Variants in ARHGEF4 observed in about 807,000 individuals in gnomAD.
ARHGEF4 encodes the protein Rho guanine nucleotide exchange factor 4.
A neutral mutation model predicts 162.0 loss-of-function variants in ARHGEF4; 119 were observed. The observed-to-expected ratio is 0.73, with a 90% CI of 0.63 to 0.86. The LOEUF (loss-of-function observed/expected upper bound fraction) is 0.86, where lower values mean the gene tolerates loss of function less well. Ranked by LOEUF, ARHGEF4 falls within the 40% of genes least tolerant of loss-of-function variation. The probability of loss-of-function intolerance (pLI) is 0.00; values close to 1 mark genes in which losing one functional copy is unlikely to be tolerated. For missense variants in ARHGEF4, 2,488 were observed against 2,456.0 expected, an observed-to-expected ratio of 1.01 and a Z score of -0.28; for synonymous variants, 1,014 against 979.9, an observed-to-expected ratio of 1.03 and a Z score of -0.65.
At chr2:130,868,817 G>A (rs533289689) in intron 1 of ARHGEF4, among the ~76,000 whole-genome samples, 1 of 152,230 alleles carries the variant, frequency 6.6e-6, no homozygotes, top group Non-Finnish European at 1.5e-5. Context: ...CAAGGTGCCT[G>A]TGGGCTGGTT....
At chr2:131,039,300 C>G (rs1690569989) in intron 6 of ARHGEF4, 1 of 1,258,598 alleles carries the variant, frequency 7.9e-7, no homozygotes, top group Non-Finnish European at 1.0e-6. Context: ...GCGATACCCC[C>G]GCAACTCCAG....
At chr2:130,838,346 A>C (rs899625371) in intron 1 of ARHGEF4, among the ~76,000 whole-genome samples, 4 of 152,132 alleles carry the variant, frequency 2.6e-5, no homozygotes, top group African/African-American at 9.7e-5. Flanking sequence ...TCATGCCTGT[A>C]ATCTCAGCAC....
chr2:130,870,848 G>A (rs1005157375), intron 1 of ARHGEF4, among the ~76,000 whole-genome samples: 1 of 152,112 alleles, frequency 6.6e-6, no homozygotes, highest in African/African-American at 2.4e-5. Flanking sequence ...GGAGCTCGAA[G>A]CTGGCTGACT....
intron 4 of ARHGEF4, among the ~76,000 whole-genome samples, chr2:130,949,173 G>C (rs946808120): frequency 1.3e-5 from 2 of 152,070 alleles, no homozygotes; most frequent in Non-Finnish European, 2.9e-5. Flanking sequence ...TTGTGATGCA[G>C]TGATCATGTT....
chr2:131,041,557 C>A, intron 9 of ARHGEF4, 95 bp downstream of exon 9: 2 of 1,327,962 alleles, frequency 1.5e-6, no homozygotes, highest in Non-Finnish European at 2.1e-6. Flanking sequence ...ACTGCTGCAG[C>A]CCTGGGGCAA....
At chr2:130,991,298 C>A (rs1187621214) in intron 4 of ARHGEF4, among the ~76,000 whole-genome samples, 1 of 152,272 alleles carries the variant, frequency 6.6e-6, no homozygotes, top group Non-Finnish European at 1.5e-5. Context: ...GTCCTCACAG[C>A]CCTCGCTCGC....
At chr2:130,904,821 G>C (rs2105026029) in intron 1 of ARHGEF4, among the ~76,000 whole-genome samples, 1 of 151,802 alleles carries the variant, frequency 6.6e-6, no homozygotes, top group South Asian at 2.1e-4. Flanking sequence ...GCTCATGCCT[G>C]TAATCCCAGC....
intron 1 of ARHGEF4, among the ~76,000 whole-genome samples, chr2:130,908,640 C>T (rs545592638): frequency 6.6e-6 from 1 of 152,118 alleles, no homozygotes; most frequent in East Asian, 1.9e-4. Context: ...TGCGCCATTG[C>T]ACTCCAGCCC....
At chr2:130,863,923 G>A (rs1397096891) in intron 1 of ARHGEF4, among the ~76,000 whole-genome samples, 1 of 126,234 alleles carries the variant, frequency 7.9e-6, no homozygotes, top group Admixed American at 8.5e-5. Context: ...AGTGGCTCAC[G>A]CCTGTAATCC....
At position 131,031,823 on chromosome 2, in the gene ARHGEF4, C is replaced by G. The variant is rs1412099005; in HGVS notation, c.4125+3739C>G. Among the ~76,000 whole-genome samples, 4 of 152,198 alleles carry G rather than the reference C, an allele frequency of 2.6e-5. No individual in the cohort carries two copies. The East Asian group carries it at 7.7e-4, about 29-fold the overall frequency. ...CCTCCCCCTTGACTCTCTTGGGCTG[C>G]ACTGTGCCCCTGCAGTCAGGCCTGA... On this transcript the variant is annotated intron_variant, in intron 5 of 13. Coordinates refer to ENST00000409359, the MANE Select transcript of ARHGEF4 (RefSeq NM_001367493.1).
intron 2 of ARHGEF4, among the ~76,000 whole-genome samples, chr2:130,926,034 T>TTC (rs1302828572): frequency 2.9e-5 from 3 of 104,056 alleles, no homozygotes; most frequent in Admixed American, 8.8e-5. Flanking sequence ...CTTTCTTTCT[T>TTC]TCTTTCTTTC....
chr2:130,864,110 C>T (rs942661060), intron 1 of ARHGEF4, among the ~76,000 whole-genome samples: 7 of 151,654 alleles, frequency 4.6e-5, no homozygotes, highest in South Asian at 2.1e-4. Context: ...GGTGTGAACC[C>T]GGGAGGCGGA....
chr2:130,988,492 A>C (rs1686669955), intron 4 of ARHGEF4, among the ~76,000 whole-genome samples: 1 of 152,164 alleles, frequency 6.6e-6, no homozygotes. Context: ...CTGATTATAG[A>C]AATTTTACCA....
At chr2:130,941,120 A>G (rs1683270530) in intron 3 of ARHGEF4, among the ~76,000 whole-genome samples, 1 of 152,164 alleles carries the variant, frequency 6.6e-6, no homozygotes, top group Non-Finnish European at 1.5e-5. Flanking sequence ...GACCTGAGAA[A>G]ACGTTTTGTC....
intron 4 of ARHGEF4, among the ~76,000 whole-genome samples, chr2:131,002,555 A>C (rs567311190): frequency 8.7e-4 from 133 of 152,040 alleles, no homozygotes; most frequent in Admixed American, 4.0e-3. Context: ...CTAAAAATAC[A>C]AAAAATTAGC....
At chr2:130,992,279 A>G (rs1198068698) in intron 4 of ARHGEF4, among the ~76,000 whole-genome samples, 4 of 152,160 alleles carry the variant, frequency 2.6e-5, no homozygotes, top group Non-Finnish European at 5.9e-5. Context: ...TAGCACTGGC[A>G]ACCTGCTTGG....
intron 2 of ARHGEF4, among the ~76,000 whole-genome samples, chr2:130,924,220 A>G (rs989162076): frequency 1.3e-5 from 2 of 150,522 alleles, no homozygotes; most frequent in Admixed American, 1.3e-4. Context: ...TCACCTGTGG[A>G]TTGCTGTAGA....
At chr2:130,845,113 G>A (rs929836494) in intron 1 of ARHGEF4, among the ~76,000 whole-genome samples, 22 of 147,176 alleles carry the variant, frequency 1.5e-4, no homozygotes, top group Non-Finnish European at 2.1e-4. Context: ...TGAGCCACCC[G>A]GCCCGCTATA....
intron 1 of ARHGEF4, among the ~76,000 whole-genome samples, chr2:130,868,918 A>G (rs781247983): frequency 5.9e-5 from 9 of 152,170 alleles, no homozygotes; most frequent in Admixed American, 3.3e-4. Context: ...CCCGTCCTTA[A>G]AGGCATCACT....
Sources: allele counts gnomAD v4.1 joint callset (sites outside exome capture counted in the v4.1 genomes callset), GRCh38; gene constraint gnomAD v4.1.1; transcripts MANE v1.5; gene names NCBI Gene and HGNC (gene_info 2026-07-23, HGNC 2026-07-21).